Variants in NLRC3 observed in about 807,000 individuals in gnomAD.
NLRC3 encodes the protein NLR family CARD domain-containing protein 3.
Under a neutral mutation model 91.6 loss-of-function variants are expected in NLRC3, and 87 were observed. That is an observed-to-expected ratio of 0.95 (90% CI 0.80 to 1.14). NLRC3 has a LOEUF of 1.14. Among genes scored for constraint, NLRC3 ranks in the 50% most tolerant of loss-of-function variants. The probability of loss-of-function intolerance (pLI) is 0.00; values close to 1 mark genes in which losing one functional copy is unlikely to be tolerated. For missense variants in NLRC3, 1,577 were observed against 1,418.6 expected (o/e 1.11, Z -1.79); for synonymous variants, 694 against 625.3 (o/e 1.11, Z -1.64).
chr16:3,549,046 C>T (rs1469239843), intron 13 of NLRC3, 96 bp downstream of exon 13: 6 of 968,038 alleles, frequency 6.2e-6, no homozygotes, highest in African/African-American at 3.2e-5. Context: ...CCTTCTCCAA[C>T]CCTGTGACGT....
At chr16:3,552,075 A>G (rs2039045613) in intron 10 of NLRC3, 121 bp downstream of exon 10, 1 of 666,864 alleles carries the variant, frequency 1.5e-6, no homozygotes, top group African/African-American at 1.8e-5. Flanking sequence ...CCACCCACCC[A>G]TCCATCCATT....
At chr16:3,568,005 A>G (rs2151104375) in intron 1 of NLRC3, among the ~76,000 whole-genome samples, 1 of 151,864 alleles carries the variant, frequency 6.6e-6, no homozygotes, top group South Asian at 2.1e-4. Flanking sequence ...ATCTGGGATT[A>G]CAGGCACATG....
chr16:3,552,371 G>A, intron 9 of NLRC3, 92 bp from the exon 10 acceptor site: 5 of 845,746 alleles, frequency 5.9e-6, no homozygotes, highest in Admixed American at 1.9e-5. Flanking sequence ...GGGACAACTA[G>A]TGTGCCCTCT....
At chr16:3,565,569 G>A (rs1213605663) in intron 2 of NLRC3, among the ~76,000 whole-genome samples, 189 bp from the exon 3 acceptor site, 7 of 151,228 alleles carry the variant, frequency 4.6e-5, no homozygotes, top group Non-Finnish European at 1.0e-4. Context: ...GCAAAAGTAT[G>A]GAGACAGGAA....
rs896750502 is a variant in NLRC3 at position 3,577,385 on chromosome 16, C to T, written c.-405G>A. The T allele has an allele frequency of 7.9e-5, 45 of 568,910 alleles. No homozygotes were observed. The highest frequency in any genetic ancestry group is 1.2e-4 in the African/African-American group (6 of 51,934). The allele number at this position is 568,910 out of a possible 1,614,324, so 35.2% of individuals were successfully genotyped here. A position where few individuals can be genotyped will look rare whatever the true frequency, so the allele number is the denominator to read the frequency against. ...CCTTCTGCAGCCCCACCGAGCCCACCGGCTGTCCCTGTGGCTCCGGGTCCT... is the reference window on the plus strand; with the variant it reads ...CCTTCTGCAGCCCCACCGAGCCCACTGGCTGTCCCTGTGGCTCCGGGTCCT... On this transcript the variant is annotated 5_prime_UTR_variant, in exon 1 of 20. Coordinates refer to ENST00000359128, the MANE Select transcript of NLRC3 (RefSeq NM_178844.4).
chr16:3,542,900 G>C, intron 17 of NLRC3, 125 bp from the exon 18 acceptor site: 1 of 646,446 alleles, frequency 1.5e-6, no homozygotes, highest in South Asian at 1.8e-5. Context: ...CAGGAGGCCA[G>C]GGCTGTGCCT....
chr16:3,546,982 A>G (rs567585000), intron 15 of NLRC3, among the ~76,000 whole-genome samples: 4 of 152,260 alleles, frequency 2.6e-5, no homozygotes, highest in African/African-American at 7.2e-5. Context: ...TCAGGGAGAA[A>G]GGCCGATGAG....
rs748082437 is a variant in NLRC3, at chr16:3,564,974, T to G, written c.63A>C (p.Pro21=). 5 of 1,610,630 alleles carry G rather than the reference T, an allele frequency of 3.1e-6. No homozygotes were observed. Among genetic ancestry groups the G allele is most frequent in the Non-Finnish European group, 4.2e-6 (5 of 1,179,730 alleles). ...CCATGAGGGCTTTCACCTGCTCGGCTGGGGAGCCCGTACCGTGGCCCTGGC... is the reference window on the plus strand; with the variant it reads ...CCATGAGGGCTTTCACCTGCTCGGCGGGGGAGCCCGTACCGTGGCCCTGGC... ...EAGQGHGTGS[P]AEQVKALMDL... The change falls in exon 4 of 20, where the codon CCA becomes CCC. Residue 21 remains proline (P), a synonymous_variant. Transcript: ENST00000359128. The surrounding 1 kb of genome is among the most constrained non-coding windows in gnomAD (Gnocchi z 5.9).
intron 2 of NLRC3, among the ~76,000 whole-genome samples, chr16:3,566,724 T>TAAA (rs144030899): frequency 3.2e-5 from 4 of 123,914 alleles, no homozygotes; most frequent in Non-Finnish European, 6.9e-5. Flanking sequence ...AAACTCCGTA[T>TAAA]AAAAAAAAAA....
Position 3,564,182 on chromosome 16 carries a change from ATGT to A in NLRC3, c.752_754del (p.Asn251del). 6.2e-7 allele frequency: 1 copy of A among 1,613,564 alleles called. No homozygotes were observed. ...TTCCGGAAAGAGGTTGCCACGGATGATGTTGGTGATCAGGTGGTCCACCGGGAT... is the reference window on the plus strand; with the variant it reads ...TTCCGGAAAGAGGTTGCCACGGATGATGGTGATCAGGTGGTCCACCGGGAT... On this transcript the variant is annotated inframe_deletion, in exon 5 of 20. Transcript: ENST00000359128. The surrounding 1 kb of genome is among the most constrained non-coding windows in gnomAD (Gnocchi z 5.9).
In NLRC3 at chr16:3,563,958, T is replaced by C; in HGVS notation, c.979A>G (p.Thr327Ala). ...QADRALYLMC[T>A]VPAFCRLTGM... The stretch of plus-strand genomic sequence containing the variant: ...GTGAGCCTGCAGAAGGCTGGGACGG[T>C]GCACATCAGGTACAGGGCCCTGTCA... Residue 327 changes from threonine to alanine, a missense_variant, in exon 5 of 20, where the codon ACC becomes GCC. Transcript: ENST00000359128. 1 of 1,601,276 alleles carries C rather than the reference T, an allele frequency of 6.2e-7. No individual in the cohort carries two copies. Among genetic ancestry groups the C allele is most frequent in the Non-Finnish European group, 8.5e-7 (1 of 1,176,500 alleles).
intron 1 of NLRC3, among the ~76,000 whole-genome samples, chr16:3,574,740 C>T (rs1267682077): frequency 1.3e-5 from 2 of 152,126 alleles, no homozygotes; most frequent in Non-Finnish European, 2.9e-5. Context: ...GTGGGCAGAT[C>T]ACCTTGAGGT....
rs556422906 is a variant in NLRC3 at position 3,548,237 on chromosome 16, A to G, written c.2688-19T>C. On this transcript the variant is annotated intron_variant, in intron 14 of 19. Transcript: ENST00000359128. ...CTGCAGGCTGGGCAGACACAGACAC[A>G]TGTGACTATGTGACTATGTGACTAT... The G allele has an allele frequency of 1.4e-6, 2 of 1,470,700 alleles. No homozygotes were observed. The highest frequency in any genetic ancestry group is 2.8e-5 in the African/African-American group (2 of 71,888). 91.1% of individuals were successfully genotyped at this position (1,470,700 alleles called of 1,614,324 possible).
intron 5 of NLRC3, 84 bp from the exon 6 acceptor site, chr16:3,561,872 C>G (rs530382358): frequency 1.1e-6 from 1 of 904,746 alleles, no homozygotes; most frequent in East Asian, 2.4e-5. Flanking sequence ...CTGCCTCTCT[C>G]CATCCCATGC....
intron 6 of NLRC3, among the ~76,000 whole-genome samples, chr16:3,559,484 G>A (rs1442961302): frequency 6.6e-6 from 1 of 152,166 alleles, no homozygotes; most frequent in African/African-American, 2.4e-5. Context: ...AGGAGCCACT[G>A]TGCCTGGCCC....
At chr16:3,544,132 T>C in intron 16 of NLRC3, 114 bp downstream of exon 16, 1 of 649,944 alleles carries the variant, frequency 1.5e-6, no homozygotes, top group South Asian at 1.8e-5. Context: ...CACTCCAGCC[T>C]GGGTGGCAGA....
At chr16:3,550,352 C>T (rs548923403) in intron 11 of NLRC3, 62 bp downstream of exon 11, 20 of 1,126,730 alleles carry the variant, frequency 1.8e-5, no homozygotes, top group African/African-American at 4.6e-5. Flanking sequence ...TCAGGACTGC[C>T]GGCCCACTAT....
chr16:3,569,371 C>CATATATATATATATATATAT (rs139927647), intron 1 of NLRC3, among the ~76,000 whole-genome samples: 2 of 70,406 alleles, frequency 2.8e-5, no homozygotes, highest in African/African-American at 1.3e-4. Flanking sequence ...TTCTGAAAAC[C>CATATATATATATATATATAT]ATATATATAT....
chr16:3,554,352 C>A, intron 8 of NLRC3, 27 bp from the exon 9 acceptor site: 1 of 1,567,768 alleles, frequency 6.4e-7, no homozygotes, highest in Non-Finnish European at 8.8e-7. Flanking sequence ...AGGCTCATCA[C>A]TGATGGAGCA....
Sources: allele counts gnomAD v4.1 joint callset (sites outside exome capture counted in the v4.1 genomes callset), GRCh38; gene constraint gnomAD v4.1.1; non-coding constraint Gnocchi (gnomAD v3.1); transcripts MANE v1.5; gene names NCBI Gene and HGNC (gene_info 2026-07-23, HGNC 2026-07-21).